The following TENM2 variants were observed in gnomAD, a reference collection of about 807,000 sequenced individuals.
TENM2 encodes teneurin transmembrane protein 2.
TENM2 carries 52 observed loss-of-function variants against 245.2 expected under a neutral mutation model. The observed-to-expected ratio is 0.21, with a 90% CI of 0.17 to 0.27. The LOEUF (loss-of-function observed/expected upper bound fraction) is 0.27, where lower values mean the gene tolerates loss of function less well. Ranked by LOEUF, TENM2 falls within the 10% of genes least tolerant of loss-of-function variation. The pLI is 1.00. For synonymous variants in TENM2, 1,363 were observed against 1,438.9 expected (o/e 0.95, Z 1.19); for missense variants, 3,046 against 3,666.8 (o/e 0.83, Z 4.37).
intron 2 of TENM2, among the ~76,000 whole-genome samples, chr5:167,656,923 C>T (rs1258304314): frequency 4.0e-5 from 6 of 148,250 alleles, no homozygotes; most frequent in Non-Finnish European, 1.5e-5. Context: ...ATTCACGTAT[C>T]TATCTTCTCA....
chr5:167,133,760 C>T, the TENM2 span, among the ~76,000 whole-genome samples: 2 of 151,656 alleles, frequency 1.3e-5, no homozygotes, highest in Admixed American at 6.6e-5. Context: ...TCAACTTACA[C>T]TTGTGTCATT....
intron 2 of TENM2, among the ~76,000 whole-genome samples, chr5:167,486,682 A>G (rs956770296): frequency 6.6e-6 from 1 of 152,182 alleles, no homozygotes; most frequent in Non-Finnish European, 1.5e-5. Context: ...ATATATGCCT[A>G]AAGAATACAT....
chr5:167,859,050 C>T (rs1771384233), intron 2 of TENM2, among the ~76,000 whole-genome samples: 1 of 150,512 alleles, frequency 6.6e-6, no homozygotes, highest in South Asian at 2.1e-4. Flanking sequence ...GCCGCCATCA[C>T]ATCTAGGAAG....
chr5:167,228,456 A>G, the TENM2 span, among the ~76,000 whole-genome samples: 1 of 151,708 alleles, frequency 6.6e-6, no homozygotes, highest in African/African-American at 2.4e-5. Context: ...TCTCTGTGGC[A>G]AATTTCTCAT....
chr5:167,244,377 A>G, the TENM2 span, among the ~76,000 whole-genome samples: 1 of 152,192 alleles, frequency 6.6e-6, no homozygotes, highest in Admixed American at 6.5e-5. Flanking sequence ...CACACAGTGG[A>G]ATATTAATTA....
chr5:167,221,630 C>T, the TENM2 span, among the ~76,000 whole-genome samples: 1 of 152,164 alleles, frequency 6.6e-6, no homozygotes. Context: ...ACTTCAGTGA[C>T]ATTCACATGT....
chr5:167,030,165 C>T, the TENM2 span, among the ~76,000 whole-genome samples: 1 of 152,150 alleles, frequency 6.6e-6, no homozygotes, highest in South Asian at 2.1e-4. Context: ...TCACGTTTTT[C>T]TTCCTGAGCT....
chr5:167,789,386 A>G (rs944306972), intron 2 of TENM2, among the ~76,000 whole-genome samples: 2 of 152,152 alleles, frequency 1.3e-5, no homozygotes, highest in East Asian at 1.9e-4. Context: ...TTGCTGGCCT[A>G]TTTACAAAGT....
chr5:167,756,022 G>A (rs559381930), intron 2 of TENM2, among the ~76,000 whole-genome samples: 2 of 152,216 alleles, frequency 1.3e-5, no homozygotes, highest in East Asian at 3.9e-4. Context: ...CTGTGTGGCA[G>A]GTATTCCAGT....
intron 2 of TENM2, among the ~76,000 whole-genome samples, chr5:167,605,880 G>A (rs1437649939): frequency 6.6e-6 from 1 of 152,152 alleles, no homozygotes; most frequent in African/African-American, 2.4e-5. Context: ...GCATATTTGG[G>A]TGTCGCCCAG....
At chr5:167,887,783 A>G (rs1314174844) in intron 3 of TENM2, among the ~76,000 whole-genome samples, 1 of 152,206 alleles carries the variant, frequency 6.6e-6, no homozygotes, top group Non-Finnish European at 1.5e-5. Flanking sequence ...AGTACCACGA[A>G]CTAGGTGGCT....
chr5:168,004,513 G>GCGCA (rs2152055250), intron 5 of TENM2, among the ~76,000 whole-genome samples: 1 of 75,882 alleles, frequency 1.3e-5, no homozygotes, highest in Admixed American at 1.3e-4. Context: ...GCATGCGCGC[G>GCGCA]CGCGCACACA....
At chr5:167,090,541 G>T in the TENM2 span, among the ~76,000 whole-genome samples, 2 of 152,114 alleles carry the variant, frequency 1.3e-5, no homozygotes, top group South Asian at 4.1e-4. Flanking sequence ...CATCGATGAG[G>T]TATTGTGTGA....
intron 2 of TENM2, among the ~76,000 whole-genome samples, chr5:167,479,061 A>C (rs966761348): frequency 1.3e-5 from 2 of 152,018 alleles, no homozygotes; most frequent in African/African-American, 4.8e-5. Context: ...CAGTGATATC[A>C]GTTTGGAACT....
intron 2 of TENM2, among the ~76,000 whole-genome samples, chr5:167,443,153 C>A (rs528703614): frequency 6.6e-6 from 1 of 152,054 alleles, no homozygotes; most frequent in African/African-American, 2.4e-5. Flanking sequence ...GTGGTGAGGA[C>A]ATGTCAATAG....
intron 12 of TENM2, among the ~76,000 whole-genome samples, chr5:168,147,195 AG>A (rs1259458900): frequency 6.6e-6 from 1 of 152,268 alleles, no homozygotes; most frequent in Non-Finnish European, 1.5e-5. Flanking sequence ...GCGTTCTCGC[AG>A]CAACTGTAAC....
intron 13 of TENM2, among the ~76,000 whole-genome samples, chr5:168,172,752 A>C (rs1159939786): frequency 6.6e-6 from 1 of 152,218 alleles, no homozygotes; most frequent in Non-Finnish European, 1.5e-5. Context: ...GCCACAAAGC[A>C]CTTAGGCACT....
intron 2 of TENM2, among the ~76,000 whole-genome samples, chr5:167,596,327 G>A (rs1259373429): frequency 2.0e-5 from 3 of 152,088 alleles, no homozygotes; most frequent in African/African-American, 4.8e-5. Context: ...CAGGAGGCCT[G>A]GCTTTGACTC....
chr5:167,481,436 CATAA>C (rs1767752236), intron 2 of TENM2, among the ~76,000 whole-genome samples: 1 of 152,024 alleles, frequency 6.6e-6, no homozygotes, highest in African/African-American at 2.4e-5. Context: ...TTTAGTGTTC[CATAA>C]ATAAAGTTTT....
Sources: allele counts gnomAD v4.1 joint callset (sites outside exome capture counted in the v4.1 genomes callset), GRCh38; gene constraint gnomAD v4.1.1; transcripts MANE v1.5; gene names NCBI Gene and HGNC (gene_info 2026-07-23, HGNC 2026-07-21).